SNAI2: variants seen among roughly 807,000 people sequenced by gnomAD.
The protein encoded by SNAI2 is snail family transcriptional repressor 2.
Under a neutral mutation model 22.4 loss-of-function variants are expected in SNAI2, and 2 were observed. The observed-to-expected ratio is 0.09, with a 90% CI of 0.04 to 0.28. SNAI2 has a LOEUF of 0.28. Among genes scored for constraint, SNAI2 ranks in the 10% least tolerant of loss-of-function variants. SNAI2 has a pLI of 1.00. For synonymous variants in SNAI2, 134 were observed against 123.0 expected (o/e 1.09, Z -0.59); for missense variants, 239 against 320.8 (o/e 0.75, Z 1.95).
Position 48,918,891 on chromosome 8 carries a change from G to T in SNAI2, c.723C>A (p.Tyr241Ter), listed in dbSNP as rs1270319958. 6.2e-7 allele frequency: 1 copy of T among 1,614,046 alleles called. No individual in the cohort carries two copies. ...AGGTTTTGGAGCAGTTTTTGCACTG[G>T]TATTTCTTTACATCAGAATGGGTCT... is the stretch of plus-strand genomic sequence containing the variant. ...HLQTHSDVKK[Y>*]QCKNCSKTFS... is the part of the protein sequence containing the mutation. Residue 241 changes from tyrosine (Y) to a stop codon, truncating the protein, a stop_gained, in exon 3 of 3, where the codon TAC (tyrosine) becomes TAA (stop). Transcript: ENST00000020945. LOFTEE classifies it high-confidence loss of function.
chr8:48,919,286 A>G (rs1363089940), intron 2 of SNAI2, among the ~76,000 whole-genome samples: 1 of 152,220 alleles, frequency 6.6e-6, no homozygotes, highest in Non-Finnish European at 1.5e-5. Flanking sequence ...AGATGCAGCT[A>G]ATGTTGAGCA....
Position 48,920,242 on chromosome 8 carries a change from G to T in SNAI2, c.279C>A (p.Asp93Glu). ...AGCCACTGTGGTCCTTGGAGGAGGT[G>T]TCAGATGGAGGAGGGGGACTCACTC... ...LGRVSPPPPS[D>E]TSSKDHSGSE... The change falls in exon 2 of 3, where the codon GAC becomes GAA. Residue 93 changes from aspartate to glutamate, a missense_variant. By Grantham distance (45) the Asp-to-Glu change is conservative (BLOSUM62 2). This residue lies in a region of SNAI2 where 183 missense variants were observed against 190.4 expected (regional missense o/e 0.96). Transcript: ENST00000020945. The T allele has an allele frequency of 1.9e-6, 3 of 1,614,138 alleles. No individual in the cohort carries two copies. Among genetic ancestry groups the T allele is most frequent in the Non-Finnish European group, 2.5e-6 (3 of 1,180,010 alleles).
rs1441015798 is a variant in SNAI2 at position 48,919,881 on chromosome 8, T to C, written c.625+15A>G. Reference sequence around the variant, plus strand: ...TATCTCAGAGTAACATTCCTGCCTATGGTTTTTCTCTTACCCGTGTGAGTT... The same window carrying C: ...TATCTCAGAGTAACATTCCTGCCTACGGTTTTTCTCTTACCCGTGTGAGTT... On this transcript the variant is annotated intron_variant, in intron 2 of 2. Transcript: ENST00000020945. 6.2e-7 allele frequency: 1 copy of C among 1,612,670 alleles called. No individual in the cohort carries two copies. The highest frequency in any genetic ancestry group is 1.1e-5 in the South Asian group (1 of 91,026).
In SNAI2 at chr8:48,917,869, T is replaced by G. The variant is rs1370645569; in HGVS notation, c.*938A>C. On this transcript the variant is annotated 3_prime_UTR_variant, in exon 3 of 3. Transcript: ENST00000020945. Reference sequence around the variant, plus strand: ...TTCAGGTTGTTTATAGACATAGCTATAGACAACATCTCAGTTTCATACAGA... The same window carrying G: ...TTCAGGTTGTTTATAGACATAGCTAGAGACAACATCTCAGTTTCATACAGA... 2.6e-5 allele frequency: 4 copies of G among 152,176 alleles called. No homozygotes were observed. The highest frequency in any genetic ancestry group is 9.7e-5 in the African/African-American group (4 of 41,450). 9.4% of individuals were successfully genotyped at this position (152,176 alleles called of 1,614,324 possible).
rs1289888558 is a variant in SNAI2, at chr8:48,921,413, C to A, written c.-148G>T. 2.7e-5 allele frequency: 19 copies of A among 691,894 alleles called. No homozygotes were observed. The highest frequency in any genetic ancestry group is 4.9e-5 in the Non-Finnish European group (19 of 389,692). 42.9% of individuals were successfully genotyped at this position (691,894 alleles called of 1,614,324 possible). A position where few individuals can be genotyped will look rare whatever the true frequency, so the allele number is the denominator to read the frequency against. Reference sequence around the variant, plus strand: ...ACGGGCCGGCGCCTCTGAAGTCACCCGGCTCCTTTACGAACTGAGCCCGTT... The same window carrying A: ...ACGGGCCGGCGCCTCTGAAGTCACCAGGCTCCTTTACGAACTGAGCCCGTT... On this transcript the variant is annotated 5_prime_UTR_variant, in exon 1 of 3. Coordinates refer to ENST00000020945, the MANE Select transcript of SNAI2 (RefSeq NM_003068.5).
chr8:48,919,232 A>G (rs1463139861), intron 2 of SNAI2, among the ~76,000 whole-genome samples: 2 of 152,256 alleles, frequency 1.3e-5, no homozygotes, highest in Admixed American at 1.3e-4. Flanking sequence ...GAAATAATTT[A>G]CGTAGTTCTT....
intron 1 of SNAI2, 151 bp from the exon 2 acceptor site, chr8:48,920,592 T>G: frequency 1.4e-6 from 1 of 728,824 alleles, no homozygotes; most frequent in Non-Finnish European, 2.3e-6. Flanking sequence ...GCATACACAC[T>G]GGTAAAATGT....
intron 2 of SNAI2, 39 bp from the exon 3 acceptor site, chr8:48,919,027 T>A (rs777866636): frequency 6.3e-7 from 1 of 1,591,174 alleles, no homozygotes; most frequent in East Asian, 2.2e-5. Flanking sequence ...AGACAGTCAG[T>A]GTTTTTAGAG....
Position 48,920,291 on chromosome 8 carries a change from G to A in SNAI2, c.230C>T (p.Ser77Phe), listed in dbSNP as rs372039867. The part of the protein sequence containing the change: ...AQLPNGLSPL[S>F]GYSSSLGRVS... ...TCGCCCCAAAGATGAGGAGTATCCG[G>A]AAAGAGGAGAGAGGCCATTGGGTAG... The change falls in exon 2 of 3, where the codon TCC (serine) becomes TTC (phenylalanine). Residue 77 changes from serine (S) to phenylalanine (F), a missense_variant. Transcript: ENST00000020945. 2.9e-5 allele frequency: 46 copies of A among 1,612,782 alleles called. No homozygotes were observed. Among genetic ancestry groups the A allele is most frequent in the Non-Finnish European group, 3.9e-5 (46 of 1,179,112 alleles).
Position 48,920,270 on chromosome 8 carries a change from C to T in SNAI2, c.251G>A (p.Gly84Glu), listed in dbSNP as rs1287664441. Residue 84 changes from glycine to glutamate, a missense_variant, in exon 2 of 3, where the codon GGG becomes GAG. Physicochemically the swap from Gly to Glu is moderately conservative, Grantham distance 98. Transcript: ENST00000020945. Reference protein sequence around the residue: ...SPLSGYSSSLGRVSPPPPSDT... With the variant: ...SPLSGYSSSLERVSPPPPSDT... ...AGATGGAGGAGGGGGACTCACTCGC[C>T]CCAAAGATGAGGAGTATCCGGAAAG... The T allele has an allele frequency of 3.7e-6, 6 of 1,613,654 alleles. No homozygotes were observed. Among genetic ancestry groups the T allele is most frequent in the South Asian group, 1.1e-5 (1 of 91,070 alleles).
At position 48,918,799 on chromosome 8, in the gene SNAI2, T is replaced by C. The variant is rs1298389666; in HGVS notation, c.*8A>G. ...GCATTCTGTTCGAGTAAACATTGATTGCGTCACTCAGTGTGCTACACAGCA... is the reference window on the plus strand; with the variant it reads ...GCATTCTGTTCGAGTAAACATTGATCGCGTCACTCAGTGTGCTACACAGCA... On this transcript the variant is annotated 3_prime_UTR_variant, in exon 3 of 3. Transcript: ENST00000020945. The C allele has an allele frequency of 6.2e-7, 1 of 1,613,924 alleles. No homozygotes were observed. Among genetic ancestry groups the C allele is most frequent in the Non-Finnish European group, 8.5e-7 (1 of 1,179,900 alleles).
In SNAI2 at chr8:48,920,179, C is replaced by T. The variant is rs967924330; in HGVS notation, c.342G>A (p.Gln114=). ...SPISDEEERL[Q]SKLSDPHAIE... ...TGGCATGGGGGTCTGAAAGCTTGGA[C>T]TGTAGTCTTTCCTCTTCATCACTAA... is the stretch of plus-strand genomic sequence containing the variant. The change falls in exon 2 of 3, where the codon CAG becomes CAA. Residue 114 remains glutamine (Q), a synonymous_variant. Transcript: ENST00000020945. 2.5e-6 allele frequency: 4 copies of T among 1,614,104 alleles called. No homozygotes were observed. In the African/African-American group the frequency reaches 4.0e-5, roughly 16 times the overall value.
chr8:48,919,288 T>C (rs750322381), intron 2 of SNAI2, among the ~76,000 whole-genome samples: 30 of 152,234 alleles, frequency 2.0e-4, no homozygotes, highest in Admixed American at 4.6e-4. Context: ...ATGCAGCTAA[T>C]GTTGAGCACC....
chr8:48,920,561 AAGAT>A (rs533952622), intron 1 of SNAI2, 120 bp from the exon 2 acceptor site: 182 of 921,440 alleles, frequency 2.0e-4, no homozygotes, highest in Admixed American at 4.5e-4. Flanking sequence ...TCTTAGGAAG[AAGAT>A]AGACCCATTT....
intron 2 of SNAI2, among the ~76,000 whole-genome samples, chr8:48,919,639 T>G (rs1210837560): frequency 6.6e-6 from 1 of 152,250 alleles, no homozygotes; most frequent in Non-Finnish European, 1.5e-5. Context: ...TTCCTGATTT[T>G]CTAACTGATC....
intron 1 of SNAI2, 152 bp from the exon 2 acceptor site, chr8:48,920,593 GGTAAAAT>G: frequency 1.4e-6 from 1 of 728,298 alleles, no homozygotes; most frequent in South Asian, 1.7e-5. Context: ...CATACACACT[GGTAAAAT>G]GTTTCATTTC....
In SNAI2 at chr8:48,920,428, C is replaced by A. The variant is rs555086214; in HGVS notation, c.93G>T (p.Pro31=). 2 of 1,613,564 alleles carry A rather than the reference C, an allele frequency of 1.2e-6. No individual in the cohort carries two copies. The highest frequency in any genetic ancestry group is 8.5e-7 in the Non-Finnish European group (1 of 1,179,828). ...GCATGGAGTAACTCTCATAGAGATA[C>A]GGGGAAATAATCACTGGGAAAGAAA... ...ELDTHTVIIS[P]YLYESYSMPV... is the part of the protein sequence containing the mutation. Residue 31 remains proline (P), a synonymous_variant, in exon 2 of 3, where the codon CCG becomes CCT. Transcript: ENST00000020945.
chr8:48,918,570 C>T lies in SNAI2; in HGVS notation c.*237G>A. 8 of 519,670 alleles carry T rather than the reference C, an allele frequency of 1.5e-5. No homozygotes were observed. In the South Asian group the frequency reaches 2.0e-4, roughly 13 times the overall value. The allele number at this position is 519,670 out of a possible 1,614,324, so 32.2% of individuals were successfully genotyped here. A position where few individuals can be genotyped will look rare whatever the true frequency, so the allele number is the denominator to read the frequency against. ...TCTTTTATTCTCTCAATCTAGCCAT[C>T]AGCAAATATATAGTAATTTTAAACT... On this transcript the variant is annotated 3_prime_UTR_variant, in exon 3 of 3. Coordinates refer to ENST00000020945, the MANE Select transcript of SNAI2 (RefSeq NM_003068.5).
Position 48,921,344 on chromosome 8 carries a change from C to G in SNAI2, c.-79G>C. 2 of 1,147,130 alleles carry G rather than the reference C, an allele frequency of 1.7e-6. No homozygotes were observed. Among genetic ancestry groups the G allele is most frequent in the South Asian group, 1.2e-5 (1 of 81,824 alleles). 71.1% of individuals were successfully genotyped at this position (1,147,130 alleles called of 1,614,324 possible). ...CACGGCGGTCCCTACAGCATCGCGG[C>G]GGGCCAGGCTCGGGCAGGGGCCGTG... On this transcript the variant is annotated 5_prime_UTR_variant, in exon 1 of 3. Transcript: ENST00000020945.
Sources: gnomAD v4.1 joint callset for allele counts (sites outside exome capture counted in the v4.1 genomes callset) on GRCh38, gnomAD v4.1.1 for gene constraint, gnomAD v4.1.1 regional missense constraint, MANE v1.5 for transcripts, NCBI Gene and HGNC (gene_info 2026-07-23, HGNC 2026-07-21) for gene names.